Variants in CRY1 observed in about 807,000 individuals in gnomAD.
CRY1 encodes cryptochrome circadian regulator 1, also known as cryptochrome-1.
CRY1 carries 45 observed loss-of-function variants against 76.0 expected under a neutral mutation model. That is an observed-to-expected ratio of 0.59 (90% CI 0.47 to 0.76). CRY1 has a LOEUF of 0.76. Among genes scored for constraint, CRY1 ranks in the 30% least tolerant of loss-of-function variants. CRY1 has a pLI of 0.00. For synonymous variants in CRY1, 248 were observed against 244.0 expected, an observed-to-expected ratio of 1.02 and a Z score of -0.15; for missense variants, 587 against 716.4, an observed-to-expected ratio of 0.82 and a Z score of 2.06.
rs1174982739 is a variant in CRY1 at position 107,001,346 on chromosome 12, G to C, written c.618C>G (p.Ser206=). ...EELGFDTDGL[S]SAVWPGGETE... The stretch of plus-strand genomic sequence containing the variant: ...TTTCTCCACCTGGCCACACTGCAGA[G>C]GATAAGCCATCTGTATCAAAACCTA... Residue 206 remains serine, a synonymous_variant, in exon 5 of 13, where the codon TCC becomes TCG. Coordinates refer to ENST00000008527, the MANE Select transcript of CRY1 (RefSeq NM_004075.5). 1.2e-6 allele frequency: 2 copies of C among 1,612,060 alleles called. No individual in the cohort carries two copies. The highest frequency in any genetic ancestry group is 1.7e-6 in the Non-Finnish European group (2 of 1,179,452).
rs377750715 is a variant in CRY1 at position 107,000,066 on chromosome 12, A to C, written c.701T>G (p.Phe234Cys). The C allele has an allele frequency of 1.9e-6, 3 of 1,601,704 alleles. No individual in the cohort carries two copies. The highest frequency in any genetic ancestry group is 2.5e-6 in the Non-Finnish European group (3 of 1,176,756). ...ATTCGCATTCATTCGAGGTCTTTCAAAATTTGCCACCCAAGCCTGAAAACA... is the reference window on the plus strand; with the variant it reads ...ATTCGCATTCATTCGAGGTCTTTCACAATTTGCCACCCAAGCCTGAAAACA... ...HLERKAWVANFERPRMNANSL... is the reference protein window; with the variant it reads ...HLERKAWVANCERPRMNANSL... The change falls in exon 6 of 13, where the codon TTT becomes TGT. Residue 234 changes from phenylalanine to cysteine, a missense_variant. By Grantham distance (205) the Phe-to-Cys change is radical. Transcript: ENST00000008527.
chr12:107,078,320 T>C (rs1953282582), intron 1 of CRY1, among the ~76,000 whole-genome samples: 1 of 152,074 alleles, frequency 6.6e-6, no homozygotes, highest in African/African-American at 2.4e-5. Context: ...AATTTCCTTT[T>C]CCCACCTCTA....
intron 1 of CRY1, among the ~76,000 whole-genome samples, chr12:107,061,945 C>T (rs1363157428): frequency 4.1e-5 from 6 of 147,654 alleles, no homozygotes; most frequent in African/African-American, 1.0e-4. Context: ...ACTCCTTGAA[C>T]CCTGGAAGTG....
chr12:107,068,048 C>T (rs1953133905), intron 1 of CRY1, among the ~76,000 whole-genome samples: 1 of 152,096 alleles, frequency 6.6e-6, no homozygotes, highest in East Asian at 1.9e-4. Context: ...TAGCAAGGGG[C>T]CAGCCAACTA....
chr12:106,999,374 C>G (rs531622634), intron 7 of CRY1, among the ~76,000 whole-genome samples, 177 bp downstream of exon 7: 7 of 152,238 alleles, frequency 4.6e-5, no homozygotes, highest in African/African-American at 1.7e-4. Flanking sequence ...CACCTTTTTG[C>G]TTGTCTGATT....
At position 106,997,831 on chromosome 12, in the gene CRY1, G is replaced by A; in HGVS notation, c.1289+84C>T. ...CATCTCTGCTGCCCATCATGAGTGGGGAATACTTTAAGCATTGATTAAACA... is the reference window on the plus strand; with the variant it reads ...CATCTCTGCTGCCCATCATGAGTGGAGAATACTTTAAGCATTGATTAAACA... On this transcript the variant is annotated intron_variant, in intron 8 of 12. Coordinates refer to ENST00000008527, the MANE Select transcript of CRY1 (RefSeq NM_004075.5). The A allele has an allele frequency of 5.2e-6, 8 of 1,549,970 alleles. No individual in the cohort carries two copies. The South Asian group carries it at 7.2e-5, about 14-fold the overall frequency.
At chr12:107,006,125 C>A (rs894594745) in intron 2 of CRY1, among the ~76,000 whole-genome samples, 2 of 152,102 alleles carry the variant, frequency 1.3e-5, no homozygotes, top group Non-Finnish European at 2.9e-5. Flanking sequence ...GTGGCTCATG[C>A]CTGTAATCCT....
At chr12:107,085,120 T>C (rs1346331487) in intron 1 of CRY1, among the ~76,000 whole-genome samples, 1 of 152,174 alleles carries the variant, frequency 6.6e-6, no homozygotes, top group African/African-American at 2.4e-5. Flanking sequence ...TGAGATACCA[T>C]TTCATGCCAG....
intron 1 of CRY1, among the ~76,000 whole-genome samples, chr12:107,073,238 TCTCTC>T (rs1953212933): frequency 6.6e-6 from 1 of 150,814 alleles, no homozygotes; most frequent in Non-Finnish European, 1.5e-5. Flanking sequence ...TTTCTCTCTC[TCTCTC>T]TTTTTTTTTT....
intron 1 of CRY1, among the ~76,000 whole-genome samples, chr12:107,077,248 T>C (rs1251223435): frequency 6.6e-6 from 1 of 152,186 alleles, no homozygotes; most frequent in Non-Finnish European, 1.5e-5. Flanking sequence ...CTTTGTGCTT[T>C]CACAATTGTA....
intron 1 of CRY1, among the ~76,000 whole-genome samples, chr12:107,066,667 T>C (rs562090438): frequency 5.9e-5 from 9 of 152,286 alleles, no homozygotes; most frequent in Non-Finnish European, 1.5e-5. Context: ...GGTTTCACCA[T>C]ATTGCCCAGG....
intron 1 of CRY1, among the ~76,000 whole-genome samples, chr12:107,040,242 T>C (rs1290950916): frequency 6.6e-6 from 1 of 151,434 alleles, no homozygotes; most frequent in Non-Finnish European, 1.5e-5. Flanking sequence ...GTATACAGTG[T>C]CAGTTATGAG....
chr12:107,006,638 C>CTTT (rs1555275228), intron 2 of CRY1, among the ~76,000 whole-genome samples: 22 of 137,096 alleles, frequency 1.6e-4, no homozygotes, highest in East Asian at 6.7e-4. Context: ...TATTAGTAAT[C>CTTT]TTTTTTTTTT....
chr12:107,047,771 T>C (rs545691237), intron 1 of CRY1, among the ~76,000 whole-genome samples: 82 of 152,242 alleles, frequency 5.4e-4, no homozygotes, highest in African/African-American at 1.9e-3. Context: ...TTCACAGCGG[T>C]ATAAGAACAG....
chr12:107,068,245 A>C (rs1418532117), intron 1 of CRY1, among the ~76,000 whole-genome samples: 1 of 152,214 alleles, frequency 6.6e-6, no homozygotes, highest in Non-Finnish European at 1.5e-5. Flanking sequence ...ATATATAGGG[A>C]AACTATTTGA....
intron 1 of CRY1, among the ~76,000 whole-genome samples, chr12:107,087,985 G>A (rs1410944370): frequency 6.6e-6 from 1 of 152,100 alleles, no homozygotes; most frequent in Non-Finnish European, 1.5e-5. Flanking sequence ...GCTACAGTGA[G>A]CCATGATCAC....
At chr12:106,995,272 T>A (rs1326655689) in intron 10 of CRY1, among the ~76,000 whole-genome samples, 2 of 152,192 alleles carry the variant, frequency 1.3e-5, no homozygotes, top group African/African-American at 4.8e-5. Context: ...AAAATGTGAG[T>A]GCTTTTGTCC....
rs1952359133 is a variant in CRY1 at position 107,005,233 on chromosome 12, T to C, written c.283A>G (p.Lys95Glu). The C allele has an allele frequency of 6.2e-7, 1 of 1,612,682 alleles. No homozygotes were observed. Among genetic ancestry groups the C allele is most frequent in the Non-Finnish European group, 8.5e-7 (1 of 1,179,526 alleles). The change falls in exon 3 of 13, where the codon AAA becomes GAA. Residue 95 changes from lysine to glutamate, a missense_variant. Transcript: ENST00000008527. ...TCAGAATCATACTCAATTGAAAGTT[T>C]AGTAATGTTCCATTCCTAAAGTAAG... ...PRLFKEWNIT[K>E]LSIEYDSEPF...
At chr12:107,034,479 C>T (rs1246141195) in intron 1 of CRY1, among the ~76,000 whole-genome samples, 1 of 152,098 alleles carries the variant, frequency 6.6e-6, no homozygotes, top group Non-Finnish European at 1.5e-5. Flanking sequence ...CTAATAAATT[C>T]GCTTTCATTT....
Sources: gnomAD v4.1 joint callset for allele counts (sites outside exome capture counted in the v4.1 genomes callset) on GRCh38, gnomAD v4.1.1 for gene constraint, MANE v1.5 for transcripts, NCBI Gene and HGNC (gene_info 2026-07-23, HGNC 2026-07-21) for gene names.